The following CFDP1 variants were observed in gnomAD, a reference collection of about 807,000 sequenced individuals.
CFDP1 encodes the protein chromatin remodeling protein CFDP1.
A neutral mutation model predicts 40.1 loss-of-function variants in CFDP1; 31 were observed. The ratio of observed to expected loss-of-function variants is 0.77; its 90% confidence interval spans 0.58 to 1.04. CFDP1 has a LOEUF of 1.04. CFDP1 is among the 50% of genes least tolerant of loss of function. CFDP1 has a pLI of 0.00. For synonymous variants in CFDP1, 167 were observed against 120.0 expected, an observed-to-expected ratio of 1.39 and a Z score of -2.56; for missense variants, 423 against 343.4, an observed-to-expected ratio of 1.23 and a Z score of -1.83.
chr16:75,400,127 A>C (rs2079037914), intron 4 of CFDP1, among the ~76,000 whole-genome samples: 1 of 151,744 alleles, frequency 6.6e-6, no homozygotes. Flanking sequence ...AAAAGGAAAA[A>C]AAAAATCAGC....
intron 1 of CFDP1, among the ~76,000 whole-genome samples, chr16:75,424,671 G>A (rs1350715801): frequency 6.6e-6 from 1 of 151,284 alleles, no homozygotes; most frequent in Non-Finnish European, 1.5e-5. Context: ...GAAGAATGGC[G>A]TGAACCCAGG....
intron 2 of CFDP1, among the ~76,000 whole-genome samples, chr16:75,413,748 G>C (rs1014855839): frequency 7.9e-5 from 12 of 152,260 alleles, no homozygotes; most frequent in Admixed American, 6.5e-5. Flanking sequence ...TGAGGTAAAA[G>C]ACTTCTATGG....
chr16:75,381,872 T>C (rs2078855228), intron 5 of CFDP1, among the ~76,000 whole-genome samples: 1 of 152,094 alleles, frequency 6.6e-6, no homozygotes, highest in Non-Finnish European at 1.5e-5. Flanking sequence ...TAGCAGTAGA[T>C]GATACTATTA....
Position 75,309,274 on chromosome 16 carries a change from C to T in CFDP1, c.651-4092G>A, listed in dbSNP as rs542723798. Among the ~76,000 whole-genome samples the T allele has an allele frequency of 2.1e-3, 322 of 152,250 alleles. 1 individual carries two copies. Among genetic ancestry groups the T allele is most frequent in the African/African-American group, 7.5e-3 (310 of 41,546 alleles). ...AAAGGCAGATTTACTGTGACCTTGC[C>T]GCTTTCTCTGCCACAAAGGTACATG... is the stretch of plus-strand genomic sequence containing the variant. On this transcript the variant is annotated intron_variant, in intron 5 of 6. Coordinates refer to ENST00000283882, the MANE Select transcript of CFDP1 (RefSeq NM_006324.3).
chr16:75,423,227 A>G (rs1369597865), intron 1 of CFDP1, among the ~76,000 whole-genome samples: 2 of 145,134 alleles, frequency 1.4e-5, no homozygotes, highest in Admixed American at 6.9e-5. Flanking sequence ...CTGGCAGTGA[A>G]CCGAGATGGT....
intron 5 of CFDP1, among the ~76,000 whole-genome samples, chr16:75,363,870 G>A (rs1597355943): frequency 6.6e-6 from 1 of 151,558 alleles, no homozygotes; most frequent in South Asian, 2.1e-4. Flanking sequence ...ACTGAACTGA[G>A]ACAAGCGAGC....
intron 5 of CFDP1, 35 bp downstream of exon 5, chr16:75,395,055 C>T (rs1355462454): frequency 6.2e-7 from 1 of 1,611,804 alleles, no homozygotes; most frequent in Non-Finnish European, 8.5e-7. Flanking sequence ...CTCCAACGTG[C>T]CAAGTACATC....
intron 1 of CFDP1, among the ~76,000 whole-genome samples, chr16:75,431,454 CAAAAAAAAAAAAAAAAA>C (rs60902612): frequency 1.0e-4 from 6 of 59,600 alleles, no homozygotes; most frequent in African/African-American, 4.0e-4. Flanking sequence ...ACTCTTGTCT[CAAAAAAAAAAAAAAAAA>C]AAAAAAGAAA....
At chr16:75,362,722 C>A (rs571824283) in intron 5 of CFDP1, among the ~76,000 whole-genome samples, 1 of 152,204 alleles carries the variant, frequency 6.6e-6, no homozygotes, top group South Asian at 2.1e-4. Context: ...AATTGCTTTT[C>A]AATGCAACTG....
At position 75,330,852 on chromosome 16, in the gene CFDP1, A is replaced by T. The variant is rs16960531; in HGVS notation, c.651-25670T>A. Among the ~76,000 whole-genome samples, 758 of 152,164 alleles carry T rather than the reference A, an allele frequency of 5.0e-3. 11 individuals are homozygous for T. Among genetic ancestry groups the T allele is most frequent in the African/African-American group, 0.017 (720 of 41,502 alleles). On this transcript the variant is annotated intron_variant, in intron 5 of 6. Coordinates refer to ENST00000283882, the MANE Select transcript of CFDP1 (RefSeq NM_006324.3). ...TTTACTAATTATCAAGTTCCATTGT[A>T]CATCCCCAAGTACACTGAGTCCAAG...
chr16:75,433,323 A>T lies in CFDP1; in HGVS notation c.30T>A (p.Ser10=). MEEFDSEDF[S]TSEEDEDYVP... is the part of the protein sequence containing the mutation. ...CGTAGTCCTCGTCCTCCTCCGACGT[A>T]GAGAAGTCTTCGGAGTCGAATTCCT... Residue 10 remains serine, a synonymous_variant, in exon 1 of 7, where the codon TCT becomes TCA. Transcript: ENST00000283882. The T allele has an allele frequency of 6.2e-7, 1 of 1,602,362 alleles. No homozygotes were observed. Among genetic ancestry groups the T allele is most frequent in the Middle Eastern group, 1.8e-4 (1 of 5,616 alleles).
chr16:75,415,897 G>C (rs928593961), intron 1 of CFDP1, among the ~76,000 whole-genome samples: 1 of 152,130 alleles, frequency 6.6e-6, no homozygotes, highest in Admixed American at 6.5e-5. Context: ...CTGTCACCCA[G>C]GCTGGAGTGC....
chr16:75,317,182 C>T lies in CFDP1; in HGVS notation c.651-12000G>A, dbSNP rs576424798. Among the ~76,000 whole-genome samples the T allele has an allele frequency of 1.9e-4, 29 of 152,088 alleles. 1 individual carries two copies. Among genetic ancestry groups the T allele is most frequent in the African/African-American group, 6.8e-4 (28 of 41,414 alleles). On this transcript the variant is annotated intron_variant, in intron 5 of 6. Coordinates refer to ENST00000283882, the MANE Select transcript of CFDP1 (RefSeq NM_006324.3). ...ACTTCTCAAGGCCTGGTGCCTGGTA[C>T]GCATGAGGGTTAAATGACACGAAGT...
chr16:75,293,976 G>A lies in CFDP1; in HGVS notation c.876C>T (p.Leu292=). The part of the protein sequence containing the change: ...DHRQFEIERD[L]RLSKMKP ...ATCAAGGTTTCATTTTGCTCAGCCT[G>A]AGATCTCGCTCAATTTCAAACTGCC... The change falls in exon 7 of 7, where the codon CTC becomes CTT. Residue 292 remains leucine (L), a synonymous_variant. Transcript: ENST00000283882. 1 of 1,614,088 alleles carries A rather than the reference G, an allele frequency of 6.2e-7. No individual in the cohort carries two copies. The highest frequency in any genetic ancestry group is 8.5e-7 in the Non-Finnish European group (1 of 1,180,004).
chr16:75,370,386 C>T (rs1485070518), intron 5 of CFDP1, among the ~76,000 whole-genome samples: 1 of 152,112 alleles, frequency 6.6e-6, no homozygotes, highest in African/African-American at 2.4e-5. Context: ...AGCCACCACG[C>T]TCGGCCAAAT....
chr16:75,397,524 C>T (rs955512901), intron 4 of CFDP1, among the ~76,000 whole-genome samples: 3 of 150,158 alleles, frequency 2.0e-5, no homozygotes, highest in Admixed American at 1.3e-4. Flanking sequence ...AACAACAGGC[C>T]GGGGGCAGTG....
intron 1 of CFDP1, among the ~76,000 whole-genome samples, chr16:75,424,945 A>G (rs1240835317): frequency 6.6e-6 from 1 of 152,190 alleles, no homozygotes; most frequent in East Asian, 1.9e-4. Context: ...GGAAAATCCC[A>G]CAGAATCTAC....
intron 5 of CFDP1, chr16:75,325,041 G>A (rs1293577354): frequency 1.3e-5 from 2 of 152,112 alleles, no homozygotes; most frequent in Non-Finnish European, 2.9e-5. Context: ...GAAAGTCCTT[G>A]GACTTTTCTC....
At chr16:75,432,496 A>G (rs2079433634) in intron 1 of CFDP1, among the ~76,000 whole-genome samples, 1 of 151,730 alleles carries the variant, frequency 6.6e-6, no homozygotes, top group Non-Finnish European at 1.5e-5. Context: ...GGTTGCAGTG[A>G]GCCAAGATCG....
Sources: allele counts gnomAD v4.1 joint callset (sites outside exome capture counted in the v4.1 genomes callset), GRCh38; gene constraint gnomAD v4.1.1; transcripts MANE v1.5; gene names NCBI Gene and HGNC (gene_info 2026-07-23, HGNC 2026-07-21).